Variants in SLC30A9 observed in about 807,000 individuals in gnomAD.
The protein encoded by SLC30A9 is solute carrier family 30 member 9, also known as proton-coupled zinc antiporter SLC30A9, mitochondrial.
Under a neutral mutation model 87.5 loss-of-function variants are expected in SLC30A9, and 58 were observed. The observed-to-expected ratio is 0.66, with a 90% CI of 0.54 to 0.82. The LOEUF (loss-of-function observed/expected upper bound fraction) is 0.82. Among genes scored for constraint, SLC30A9 ranks in the 40% least tolerant of loss-of-function variants. SLC30A9 has a pLI of 0.00. For missense variants in SLC30A9, 557 were observed against 679.1 expected (o/e 0.82, Z 2.00); for synonymous variants, 234 against 233.0 (o/e 1.00, Z -0.04).
intron 3 of SLC30A9, chr4:42,018,583 A>G (rs774585114): frequency 9.0e-5 from 34 of 378,106 alleles, no homozygotes; most frequent in Non-Finnish European, 1.3e-4. Flanking sequence ...TCTCTTCTGT[A>G]TAACAAGCTG....
At chr4:42,038,856 A>G in intron 7 of SLC30A9, 130 bp from the exon 8 acceptor site, 1 of 608,156 alleles carries the variant, frequency 1.6e-6, no homozygotes, top group East Asian at 2.7e-5. Flanking sequence ...AAGAACTTCT[A>G]GAGAAAAATA....
Position 42,060,263 on chromosome 4 carries a change from ATTTT to A in SLC30A9, c.896+18_896+21del. The A allele has an allele frequency of 6.2e-7, 1 of 1,602,880 alleles. No homozygotes were observed. ...TTCTCATCCGTAAGGACATTGCCTT[ATTTT>A]GTTTTTGTTTGTTTTGGCGATAAGT... is the stretch of plus-strand genomic sequence containing the variant. On this transcript the variant is annotated intron_variant, in intron 10 of 17. Transcript: ENST00000264451.
Position 42,018,094 on chromosome 4 carries a change from T to G in SLC30A9, c.275-17T>G, listed in dbSNP as rs1369397017. 6.9e-7 allele frequency: 1 copy of G among 1,449,896 alleles called. No homozygotes were observed. The highest frequency in any genetic ancestry group is 2.3e-5 in the East Asian group (1 of 43,674). 89.8% of individuals were successfully genotyped at this position (1,449,896 alleles called of 1,614,324 possible). ...AAGCAGTTGTTTAATGTAAACTTCT[T>G]TTAATAAACTTTACAGCAGAAGGTA... On this transcript the variant is annotated splice_polypyrimidine_tract_variant and intron_variant, in intron 2 of 17. Coordinates refer to ENST00000264451, the MANE Select transcript of SLC30A9 (RefSeq NM_006345.4).
intron 17 of SLC30A9, among the ~76,000 whole-genome samples, chr4:42,079,065 A>G (rs1718662809): frequency 6.6e-6 from 1 of 152,088 alleles, no homozygotes; most frequent in African/African-American, 2.4e-5. Context: ...TTCAAATAAG[A>G]TTTTGTTAAT....
intron 15 of SLC30A9, 73 bp from the exon 16 acceptor site, chr4:42,075,584 C>G (rs965525507): frequency 5.1e-6 from 7 of 1,368,464 alleles, no homozygotes; most frequent in Admixed American, 3.9e-5. Flanking sequence ...ATAATTCAAG[C>G]CTTTGTGCTA....
At chr4:42,047,876 A>G (rs1577707120) in intron 8 of SLC30A9, among the ~76,000 whole-genome samples, 1 of 152,324 alleles carries the variant, frequency 6.6e-6, no homozygotes, top group East Asian at 1.9e-4. Context: ...GCACATATAC[A>G]CCATGGGATA....
chr4:42,071,894 G>A (rs1718325764), intron 15 of SLC30A9, among the ~76,000 whole-genome samples: 1 of 152,146 alleles, frequency 6.6e-6, no homozygotes, highest in South Asian at 2.1e-4. Flanking sequence ...TTCTTTAAAT[G>A]GTAGAATTCA....
intron 2 of SLC30A9, among the ~76,000 whole-genome samples, chr4:42,002,164 T>A (rs566113679): frequency 2.0e-5 from 3 of 152,080 alleles, no homozygotes; most frequent in Non-Finnish European, 2.9e-5. Context: ...TTTTTTTACT[T>A]TGAACCATTA....
chr4:42,027,305 T>C (rs1440265716), intron 6 of SLC30A9, among the ~76,000 whole-genome samples: 1 of 152,256 alleles, frequency 6.6e-6, no homozygotes. Flanking sequence ...TATTTACATA[T>C]TGTCTGTGGC....
chr4:42,014,542 C>T lies in SLC30A9; in HGVS notation c.275-3569C>T, dbSNP rs577297517. ...GCTGCACTCCAGCCTGGCGACAGAG[C>T]GAGACTCCGTCGCAAAAAAAAAAAA... On this transcript the variant is annotated intron_variant, in intron 2 of 17. Transcript: ENST00000264451. Among the ~76,000 whole-genome samples the T allele has an allele frequency of 6.5e-5, 9 of 137,854 alleles. 1 individual carries two copies. The South Asian group carries it at 1.8e-3, about 27-fold the overall frequency. 90.4% of individuals were successfully genotyped at this position (137,854 alleles called of 152,430 possible).
At chr4:41,998,022 G>A (rs77902083) in intron 1 of SLC30A9, among the ~76,000 whole-genome samples, 2 of 152,072 alleles carry the variant, frequency 1.3e-5, no homozygotes, top group Non-Finnish European at 2.9e-5. Flanking sequence ...ACAGTAGACT[G>A]AGTTGTCAGT....
chr4:42,020,447 C>A lies in SLC30A9; in HGVS notation c.366C>A (p.Gly122=), dbSNP rs15857. The A allele has an allele frequency of 0.76, 1,202,302 of 1,577,220 alleles. 470,251 individuals carry two copies. Among genetic ancestry groups the A allele is most frequent in the East Asian group, 0.97 (42,986 of 44,402 alleles). The change falls in exon 4 of 18, where the codon GGC becomes GGA. Residue 122 remains glycine, a synonymous_variant. Transcript: ENST00000264451. ...VKAVLKKREY[G]SKYTQNNFIT... ...CAGTCCTTAAGAAAAGGGAGTATGG[C>A]TCAAAGTACACTCAGAATAATTTCA...
chr4:42,079,694 G>A (rs1383763388), intron 17 of SLC30A9, among the ~76,000 whole-genome samples: 6 of 151,168 alleles, frequency 4.0e-5, no homozygotes, highest in East Asian at 2.0e-4. Flanking sequence ...CGCAGCCTCC[G>A]CCTTCCAGGT....
chr4:41,997,959 G>T (rs768765657), intron 1 of SLC30A9, among the ~76,000 whole-genome samples: 6 of 152,274 alleles, frequency 3.9e-5, no homozygotes, highest in Admixed American at 1.3e-4. Flanking sequence ...ATAAACTCAC[G>T]TTGCAAGAAA....
At chr4:41,993,786 A>G (rs1411714189) in intron 1 of SLC30A9, among the ~76,000 whole-genome samples, 69 of 152,360 alleles carry the variant, frequency 4.5e-4, no homozygotes, top group Non-Finnish European at 1.5e-4. Context: ...GTTCATAGTT[A>G]TGGAGAGTGG....
intron 15 of SLC30A9, among the ~76,000 whole-genome samples, chr4:42,071,395 T>A (rs1718302842): frequency 1.3e-5 from 2 of 152,200 alleles, no homozygotes; most frequent in Non-Finnish European, 2.9e-5. Flanking sequence ...TAAATCTTTT[T>A]AAAATGACCC....
At position 42,020,456 on chromosome 4, in the gene SLC30A9, C is replaced by T. The variant is rs1427133550; in HGVS notation, c.375C>T (p.Tyr125=). The T allele has an allele frequency of 6.3e-7, 1 of 1,597,562 alleles. No individual in the cohort carries two copies. The highest frequency in any genetic ancestry group is 8.6e-7 in the Non-Finnish European group (1 of 1,166,642). The change falls in exon 4 of 18, where the codon TAC becomes TAT. Residue 125 remains tyrosine, a synonymous_variant. Transcript: ENST00000264451. ...AGAAAAGGGAGTATGGCTCAAAGTA[C>T]ACTCAGAATAATTTCATCACTGGAG... is the stretch of plus-strand genomic sequence containing the variant. The part of the protein sequence containing the change: ...VLKKREYGSK[Y]TQNNFITGVR...
intron 8 of SLC30A9, among the ~76,000 whole-genome samples, chr4:42,047,059 T>C (rs989208427): frequency 3.9e-5 from 6 of 152,148 alleles, no homozygotes; most frequent in African/African-American, 1.4e-4. Context: ...CCTGTCTTTA[T>C]ACCTTATACA....
rs190744455 is a variant in SLC30A9, at chr4:42,001,358, A to G, written c.110-258A>G. ...CTTGCAACCAACATGCAAAATAAAGAGTATCTATTATGTACTATATACCTT... is the reference window on the plus strand; with the variant it reads ...CTTGCAACCAACATGCAAAATAAAGGGTATCTATTATGTACTATATACCTT... On this transcript the variant is annotated intron_variant, in intron 1 of 17. Transcript: ENST00000264451. Among the ~76,000 whole-genome samples the G allele has an allele frequency of 4.9e-3, 745 of 152,182 alleles. 5 individuals carry two copies. The highest frequency in any genetic ancestry group is 6.9e-3 in the Non-Finnish European group (471 of 67,896).
Sources: allele counts gnomAD v4.1 joint callset (sites outside exome capture counted in the v4.1 genomes callset), GRCh38; gene constraint gnomAD v4.1.1; transcripts MANE v1.5; gene names NCBI Gene and HGNC (gene_info 2026-07-23, HGNC 2026-07-21).